GAS2: variants seen among roughly 807,000 people sequenced by gnomAD.
GAS2 encodes growth arrest-specific protein 2.
In GAS2, 20 loss-of-function variants were observed where a neutral mutation model predicts 37.5. That is an observed-to-expected ratio of 0.53 (90% CI 0.37 to 0.77). GAS2 has a LOEUF of 0.77. GAS2 is among the 30% of genes least tolerant of loss of function. The pLI is 0.00. For missense variants in GAS2, 336 were observed against 373.4 expected, an observed-to-expected ratio of 0.90 and a Z score of 0.82; for synonymous variants, 144 against 132.2, an observed-to-expected ratio of 1.09 and a Z score of -0.61.
intron 1 of GAS2, among the ~76,000 whole-genome samples, chr11:22,636,655 G>T (rs147215417): frequency 5.4e-4 from 82 of 152,014 alleles, no homozygotes; most frequent in African/African-American, 1.8e-3. Flanking sequence ...ATGAATTAAT[G>T]TTAATCAATT....
intron 1 of GAS2, among the ~76,000 whole-genome samples, chr11:22,651,992 G>A (rs996958494): frequency 1.4e-4 from 22 of 152,306 alleles, no homozygotes; most frequent in Middle Eastern, 6.8e-3. Flanking sequence ...GAGGAGAGGT[G>A]CTCTGCTTTT....
chr11:22,647,345 T>C (rs1285243711), intron 1 of GAS2, among the ~76,000 whole-genome samples: 3 of 152,164 alleles, frequency 2.0e-5, no homozygotes, highest in South Asian at 2.1e-4. Flanking sequence ...GGGTTGGTTC[T>C]AAGTCTTTGC....
intron 1 of GAS2, among the ~76,000 whole-genome samples, chr11:22,652,989 C>CTTTCTTTCTT (rs1241508695): frequency 1.1e-5 from 1 of 94,624 alleles, no homozygotes; most frequent in East Asian, 3.3e-4. Context: ...GTCTTTCTTT[C>CTTTCTTTCTT]TTTGTCTTTC....
rs1031691027 is a variant in GAS2 at position 22,751,178 on chromosome 11, G to A, written c.615+1917G>A. ...AGCCCTCCATGTTCTGGCCTACTGT[G>A]TGTTTTCTGGCTATTTTGTCTGCTG... On this transcript the variant is annotated intron_variant, in intron 6 of 7. Transcript: ENST00000454584. 2.8e-4 allele frequency among the ~76,000 whole-genome samples: 43 copies of A among 152,040 alleles called. 1 individual carries two copies. Among genetic ancestry groups the A allele is most frequent in the African/African-American group, 1.0e-3 (42 of 41,514 alleles).
chr11:22,746,566 T>C (rs368811644), intron 5 of GAS2, among the ~76,000 whole-genome samples: 23 of 152,284 alleles, frequency 1.5e-4, no homozygotes, highest in African/African-American at 5.5e-4. Context: ...TAGAGGCAGC[T>C]GAAGGCCATT....
intron 3 of GAS2, among the ~76,000 whole-genome samples, chr11:22,692,224 A>G (rs73474195): frequency 0.012 from 1,850 of 152,290 alleles, 43 homozygotes; most frequent in African/African-American, 0.04. Flanking sequence ...TGATGTGCCT[A>G]TGGAACTTAT....
rs35525212 is a variant in GAS2, at chr11:22,736,004, T to TAAA, written c.410-1689_410-1687dup. Among the ~76,000 whole-genome samples the TAAA allele has an allele frequency of 2.6e-3, 376 of 143,784 alleles. 3 individuals are homozygous for TAAA. Among genetic ancestry groups the TAAA allele is most frequent in the African/African-American group, 8.0e-3 (316 of 39,370 alleles). The allele number at this position is 143,784 out of a possible 152,430, so 94.3% of individuals were successfully genotyped here. ...TTGTTATTTTGTACCATGGATATGT[T>TAAA]AAAAAAAAAAAAAAGTCTGAATCAG... On this transcript the variant is annotated intron_variant, in intron 4 of 7. Coordinates refer to ENST00000454584, the MANE Select transcript of GAS2 (RefSeq NM_001143830.3).
chr11:22,658,348 A>G (rs1023889741), intron 1 of GAS2, among the ~76,000 whole-genome samples: 1 of 151,896 alleles, frequency 6.6e-6, no homozygotes, highest in Non-Finnish European at 1.5e-5. Flanking sequence ...AAAAGACTCA[A>G]TTAACTTGGA....
intron 3 of GAS2, among the ~76,000 whole-genome samples, chr11:22,690,295 G>A (rs1344633349): frequency 6.6e-6 from 1 of 152,210 alleles, no homozygotes; most frequent in South Asian, 2.1e-4. Context: ...ATAAATCCAT[G>A]ACTCTTTTAT....
At chr11:22,637,753 AAATT>A (rs1396806082) in intron 1 of GAS2, among the ~76,000 whole-genome samples, 3 of 144,776 alleles carry the variant, frequency 2.1e-5, no homozygotes, top group Admixed American at 7.1e-5. Context: ...ATTTAAATGT[AAATT>A]AATTTATATT....
chr11:22,716,529 A>G (rs1851685632), intron 3 of GAS2, among the ~76,000 whole-genome samples: 1 of 151,896 alleles, frequency 6.6e-6, no homozygotes, highest in Non-Finnish European at 1.5e-5. Context: ...AATCGCACCT[A>G]CAAGGGAGGC....
intron 1 of GAS2, among the ~76,000 whole-genome samples, chr11:22,673,484 C>T (rs994788340): frequency 2.5e-4 from 38 of 152,172 alleles, no homozygotes; most frequent in African/African-American, 7.7e-4. Flanking sequence ...AGTCATAATG[C>T]ATCTGGTTAT....
At chr11:22,774,144 C>T (rs1855131700) in intron 7 of GAS2, among the ~76,000 whole-genome samples, 1 of 152,150 alleles carries the variant, frequency 6.6e-6, no homozygotes, top group African/African-American at 2.4e-5. Context: ...CAGGAGCATG[C>T]CACCACACCC....
intron 3 of GAS2, among the ~76,000 whole-genome samples, chr11:22,702,864 C>A (rs1186629425): frequency 6.6e-6 from 1 of 152,054 alleles, no homozygotes; most frequent in East Asian, 1.9e-4. Flanking sequence ...CAGATTCTAA[C>A]CTAGAAATTT....
chr11:22,777,820 T>C (rs1855339349), intron 7 of GAS2, among the ~76,000 whole-genome samples: 1 of 152,162 alleles, frequency 6.6e-6, no homozygotes, highest in South Asian at 2.1e-4. Context: ...TACTGAGCAA[T>C]AGCATGGTAC....
At chr11:22,650,985 C>T (rs550357532) in intron 1 of GAS2, among the ~76,000 whole-genome samples, 1 of 152,138 alleles carries the variant, frequency 6.6e-6, no homozygotes, top group East Asian at 1.9e-4. Flanking sequence ...TTATTTTGCT[C>T]ATTAGTTGAT....
chr11:22,668,223 T>C (rs1849058720), intron 1 of GAS2: 1 of 152,332 alleles, frequency 6.6e-6, no homozygotes, highest in Admixed American at 6.5e-5. Context: ...CTGTCTTTGA[T>C]ATTGATCAAT....
intron 3 of GAS2, among the ~76,000 whole-genome samples, chr11:22,686,237 A>G (rs1393247006): frequency 6.6e-6 from 1 of 152,164 alleles, no homozygotes; most frequent in Non-Finnish European, 1.5e-5. Flanking sequence ...CCATTGAACT[A>G]AGTAAATTTG....
At chr11:22,772,585 G>C (rs894721329) in intron 7 of GAS2, among the ~76,000 whole-genome samples, 7 of 151,984 alleles carry the variant, frequency 4.6e-5, no homozygotes, top group Admixed American at 3.9e-4. Context: ...ATTTCCATAG[G>C]CATCATGGAT....
Sources: allele counts gnomAD v4.1 joint callset (sites outside exome capture counted in the v4.1 genomes callset), GRCh38; gene constraint gnomAD v4.1.1; transcripts MANE v1.5; gene names NCBI Gene and HGNC (gene_info 2026-07-23, HGNC 2026-07-21).